Variants in MACROD2 observed in about 807,000 individuals in gnomAD.
The protein encoded by MACROD2 is mono-ADP ribosylhydrolase 2, also known as ADP-ribose glycohydrolase MACROD2.
In MACROD2, 36 loss-of-function variants were observed where a neutral mutation model predicts 70.4. The ratio of observed to expected loss-of-function variants is 0.51; its 90% confidence interval spans 0.39 to 0.68. The LOEUF (loss-of-function observed/expected upper bound fraction) is 0.68. Among genes scored for constraint, MACROD2 ranks in the 30% least tolerant of loss-of-function variants. The pLI, the probability that MACROD2 is intolerant of heterozygous loss-of-function variation, is 0.00. For synonymous variants in MACROD2, 172 were observed against 178.8 expected (o/e 0.96, Z 0.30); for missense variants, 496 against 538.4 (o/e 0.92, Z 0.78).
At chr20:14,836,757 A>G (rs887107660) in intron 5 of MACROD2, among the ~76,000 whole-genome samples, 1 of 152,106 alleles carries the variant, frequency 6.6e-6, no homozygotes, top group African/African-American at 2.4e-5. Context: ...TTTTACAGCT[A>G]TATGCTAACT....
intron 3 of MACROD2, among the ~76,000 whole-genome samples, chr20:14,120,213 C>CAAAAA (rs71190112): frequency 5.9e-4 from 45 of 76,458 alleles, no homozygotes; most frequent in East Asian, 1.3e-3. Flanking sequence ...GACTCCGTCT[C>CAAAAA]AAAAAAAAAA....
At chr20:14,672,392 G>C (rs1275948100) in intron 4 of MACROD2, among the ~76,000 whole-genome samples, 1 of 152,194 alleles carries the variant, frequency 6.6e-6, no homozygotes, top group Non-Finnish European at 1.5e-5. Flanking sequence ...CTTAGGACGA[G>C]TACTGGCACA....
chr20:14,718,388 TG>T (rs949717002), intron 5 of MACROD2, among the ~76,000 whole-genome samples: 5 of 150,948 alleles, frequency 3.3e-5, no homozygotes, highest in Non-Finnish European at 5.9e-5. Flanking sequence ...GGAAACAGTG[TG>T]GGTGCATGTG....
At chr20:15,606,777 C>G (rs374331250) in intron 8 of MACROD2, among the ~76,000 whole-genome samples, 8 of 152,008 alleles carry the variant, frequency 5.3e-5, no homozygotes, top group Non-Finnish European at 7.4e-5. Flanking sequence ...CCGAGGCAGG[C>G]GGATCACCTG....
intron 2 of MACROD2, among the ~76,000 whole-genome samples, chr20:14,077,721 A>G (rs2053931252): frequency 6.6e-6 from 1 of 152,156 alleles, no homozygotes; most frequent in Non-Finnish European, 1.5e-5. Context: ...GGAATTCTTT[A>G]TGTTTTCAAG....
chr20:15,771,945 C>T (rs1218479437), intron 8 of MACROD2, among the ~76,000 whole-genome samples: 1 of 150,708 alleles, frequency 6.6e-6, no homozygotes, highest in Non-Finnish European at 1.5e-5. Flanking sequence ...ATTAGCCGGG[C>T]GTAGTGGCGG....
intron 5 of MACROD2, among the ~76,000 whole-genome samples, chr20:14,947,475 A>C (rs1366859243): frequency 1.3e-5 from 2 of 152,204 alleles, no homozygotes; most frequent in Non-Finnish European, 2.9e-5. Flanking sequence ...TGATAATTCA[A>C]GTAAAGGCTT....
At chr20:14,515,471 A>ACGCGCGCGCG (rs1182346144) in intron 4 of MACROD2, among the ~76,000 whole-genome samples, 1 of 99,786 alleles carries the variant, frequency 1.0e-5, no homozygotes, top group African/African-American at 3.8e-5. Flanking sequence ...ACACGCACAC[A>ACGCGCGCGCG]CACACACACA....
chr20:15,618,420 C>T (rs572163489), intron 8 of MACROD2, among the ~76,000 whole-genome samples: 7 of 152,164 alleles, frequency 4.6e-5, no homozygotes, highest in Non-Finnish European at 8.8e-5. Context: ...CTCCACTTCC[C>T]CCTCTCATAT....
At chr20:15,600,706 T>G (rs1436908431) in intron 8 of MACROD2, among the ~76,000 whole-genome samples, 1 of 152,154 alleles carries the variant, frequency 6.6e-6, no homozygotes, top group Non-Finnish European at 1.5e-5. Context: ...AAACACTGCT[T>G]GATGAGCACT....
chr20:15,838,975 A>C (rs2064143133), intron 8 of MACROD2, among the ~76,000 whole-genome samples: 1 of 152,154 alleles, frequency 6.6e-6, no homozygotes, highest in Non-Finnish European at 1.5e-5. Flanking sequence ...GCATATGTAA[A>C]CTGTGTGCTT....
chr20:15,420,928 A>T (rs926001876), intron 6 of MACROD2, among the ~76,000 whole-genome samples: 1 of 152,062 alleles, frequency 6.6e-6, no homozygotes, highest in Non-Finnish European at 1.5e-5. Context: ...CTTTCCGAAA[A>T]CTTAAAAAAA....
intron 3 of MACROD2, among the ~76,000 whole-genome samples, chr20:14,270,599 A>AG (rs1185042547): frequency 6.6e-6 from 1 of 151,880 alleles, no homozygotes; most frequent in Non-Finnish European, 1.5e-5. Context: ...AAAAAAAAAA[A>AG]AAAAGGTTTT....
chr20:14,339,215 G>A (rs2082987013), intron 3 of MACROD2, among the ~76,000 whole-genome samples: 1 of 152,140 alleles, frequency 6.6e-6, no homozygotes, highest in South Asian at 2.1e-4. Context: ...GAAATGTATT[G>A]ACCCTATTGT....
chr20:14,539,002 G>A (rs758237294), intron 4 of MACROD2, among the ~76,000 whole-genome samples: 7 of 152,174 alleles, frequency 4.6e-5, no homozygotes, highest in Non-Finnish European at 1.0e-4. Context: ...GGCACATAAT[G>A]AGCATTCAGT....
chr20:14,391,563 T>G (rs1033443478), intron 3 of MACROD2, among the ~76,000 whole-genome samples: 5 of 151,930 alleles, frequency 3.3e-5, no homozygotes, highest in Admixed American at 3.3e-4. Context: ...TACAACAAAC[T>G]TCCATGACAC....
chr20:15,071,461 G>A (rs1157390186), intron 5 of MACROD2, among the ~76,000 whole-genome samples: 1 of 152,150 alleles, frequency 6.6e-6, no homozygotes, highest in Non-Finnish European at 1.5e-5. Context: ...AAAGCAGAGG[G>A]GCTCAATAAA....
chr20:14,136,970 C>G (rs999229261), intron 3 of MACROD2, among the ~76,000 whole-genome samples: 2 of 152,134 alleles, frequency 1.3e-5, no homozygotes, highest in African/African-American at 4.8e-5. Flanking sequence ...CACTGGTAAC[C>G]ACTAGCCACA....
intron 3 of MACROD2, among the ~76,000 whole-genome samples, chr20:14,420,430 T>C (rs557800557): frequency 6.6e-6 from 1 of 152,254 alleles, no homozygotes; most frequent in South Asian, 2.1e-4. Flanking sequence ...TATAAAGTGA[T>C]ATCTAATTGA....
Sources: gnomAD v4.1 joint callset for allele counts (sites outside exome capture counted in the v4.1 genomes callset) on GRCh38, gnomAD v4.1.1 for gene constraint, MANE v1.5 for transcripts, NCBI Gene and HGNC (gene_info 2026-07-23, HGNC 2026-07-21) for gene names.